The following ZDHHC23 variants were observed in gnomAD, a reference collection of about 807,000 sequenced individuals.
ZDHHC23 encodes the protein zDHHC palmitoyltransferase 23, also known as palmitoyltransferase ZDHHC23.
In ZDHHC23, 41 loss-of-function variants were observed where a neutral mutation model predicts 40.2. That is an observed-to-expected ratio of 1.02 (90% confidence interval 0.79 to 1.32). The LOEUF (loss-of-function observed/expected upper bound fraction) is 1.32, where lower values mean the gene tolerates loss of function less well. Ranked by LOEUF, ZDHHC23 falls within the 40% of genes most tolerant of loss-of-function variation. The pLI is 0.00. For synonymous variants in ZDHHC23, 204 were observed against 210.2 expected, an observed-to-expected ratio of 0.97 and a Z score of 0.26; for missense variants, 471 against 541.5, an observed-to-expected ratio of 0.87 and a Z score of 1.29.
chr3:113,978,401 A>AGCACAAAAGACAGAAATG, the ZDHHC23 span: 2 of 1,465,124 alleles, frequency 1.4e-6, no homozygotes, highest in Non-Finnish European at 1.9e-6. Context: ...GCAAATAAAC[A>AGCACAAAAGACAGAAATG]GCACAAAAGA....
chr3:113,966,559 GC>G (rs769610346), downstream of ZDHHC23, among the ~76,000 whole-genome samples: 10 of 152,324 alleles, frequency 6.6e-5, no homozygotes, highest in Non-Finnish European at 1.3e-4. Flanking sequence ...CTAGAGGAGA[GC>G]ACATCTTGAG....
rs1288954552 is a variant in ZDHHC23 at position 113,962,079 on chromosome 3, GATA to G, written c.*3454_*3456del. The G allele has an allele frequency of 2.0e-5, 3 of 152,610 alleles. No individual in the cohort carries two copies. Among genetic ancestry groups the G allele is most frequent in the African/African-American group, 4.8e-5 (2 of 41,428 alleles). The allele number at this position is 152,610 out of a possible 1,614,324, so 9.5% of individuals were successfully genotyped here. The stretch of plus-strand genomic sequence containing the variant: ...GTAGAGGTTGCTTAAGCAAGCAATG[GATA>G]ATAAGAGACTTTTCCTGAGGCACCT... On this transcript the variant is annotated 3_prime_UTR_variant, in exon 5 of 5. Transcript: ENST00000638807.
chr3:113,956,478 T>G lies in ZDHHC23; in HGVS notation c.1012T>G (p.Tyr338Asp). 3 of 1,614,070 alleles carry G rather than the reference T, an allele frequency of 1.9e-6. No homozygotes were observed. Among genetic ancestry groups the G allele is most frequent in the Non-Finnish European group, 2.5e-6 (3 of 1,179,998 alleles). Residue 338 changes from tyrosine to aspartate, a missense_variant, in exon 4 of 5, where the codon TAT becomes GAT. Physicochemically the swap from Tyr to Asp is radical, Grantham distance 160 (BLOSUM62 -3). Transcript: ENST00000638807. ...RDRSVFTALFYCPGVYANYSS... is the reference protein window; with the variant it reads ...RDRSVFTALFDCPGVYANYSS... ...CAGAAGTGTCTTCACAGCTCTTTTC[T>G]ATTGTCCTGGAGTTTATGCAAATTA...
the ZDHHC23 span, among the ~76,000 whole-genome samples, chr3:113,973,021 T>C: frequency 6.6e-6 from 1 of 152,170 alleles, no homozygotes; most frequent in Non-Finnish European, 1.5e-5. Flanking sequence ...ACTCTATGTC[T>C]TTTAATTGGA....
intron 2 of ZDHHC23, 141 bp downstream of exon 2, chr3:113,949,104 G>C: frequency 8.7e-7 from 1 of 1,145,642 alleles, no homozygotes; most frequent in Non-Finnish European, 1.2e-6. Context: ...TGGCTTCTGT[G>C]TCAAGTGTGA....
At position 113,954,151 on chromosome 3, in the gene ZDHHC23, CTAAGCAGCAGCCAGCTGGAG is replaced by C; in HGVS notation, c.615_634del (p.Ser206ProfsTer29). ...CAATCCAGCAAGCGGTGACAGATCT[CTAAGCAGCAGCCAGCTGGAG>C]TGCCTGAGCAGAAAAGGGCAGGAGA... On this transcript the variant is annotated frameshift_variant, in exon 3 of 5. Transcript: ENST00000638807. LOFTEE classifies it high-confidence loss of function. The C allele has an allele frequency of 1.2e-6, 2 of 1,614,206 alleles. No individual in the cohort carries two copies. The highest frequency in any genetic ancestry group is 1.7e-6 in the Non-Finnish European group (2 of 1,180,036).
Position 113,961,048 on chromosome 3 carries a change from C to T in ZDHHC23, c.*2418C>T. 1 of 300,892 alleles carries T rather than the reference C, an allele frequency of 3.3e-6. No individual in the cohort carries two copies. 18.6% of individuals were successfully genotyped at this position (300,892 alleles called of 1,614,324 possible). On this transcript the variant is annotated 3_prime_UTR_variant, in exon 5 of 5. Coordinates refer to ENST00000638807, the MANE Select transcript of ZDHHC23 (RefSeq NM_001320466.2). ...GTTTCATTATAGGCCTTGGTTCTCT[C>T]CAGGGGCCAGATGAGTTTATTGTGG...
the ZDHHC23 span, among the ~76,000 whole-genome samples, chr3:113,977,739 G>T: frequency 2.0e-5 from 3 of 152,202 alleles, no homozygotes; most frequent in African/African-American, 4.8e-5. Flanking sequence ...CTCAGTGGTG[G>T]TAACAAAGGG....
At position 113,948,777 on chromosome 3, in the gene ZDHHC23, A is replaced by T; in HGVS notation, c.-26A>T. The stretch of plus-strand genomic sequence containing the variant: ...CACCTTTACCTTCTGAGGGCTTCTT[A>T]CGCCTCATGGTGACAGGTGCAAATC... On this transcript the variant is annotated 5_prime_UTR_variant, in exon 2 of 5. Coordinates refer to ENST00000638807, the MANE Select transcript of ZDHHC23 (RefSeq NM_001320466.2). 1 of 1,613,780 alleles carries T rather than the reference A, an allele frequency of 6.2e-7. No homozygotes were observed. Among genetic ancestry groups the T allele is most frequent in the Non-Finnish European group, 8.5e-7 (1 of 1,179,898 alleles).
Position 113,950,713 on chromosome 3 carries a change from C to G in ZDHHC23, c.161+1750C>G, listed in dbSNP as rs145154962. ...CTCATCCCAGTGTCAATTCAGAAGT[C>G]TAAGTCCAGAGTCTGGTCTGAATAT... On this transcript the variant is annotated intron_variant, in intron 2 of 4. Transcript: ENST00000638807. Among the ~76,000 whole-genome samples, 346 of 152,282 alleles carry G rather than the reference C, an allele frequency of 2.3e-3. 1 individual carries two copies. Among genetic ancestry groups the G allele is most frequent in the Non-Finnish European group, 3.6e-3 (247 of 68,018 alleles).
chr3:113,955,391 T>TGTGTGTGTGTGTGTGC (rs58421915), intron 3 of ZDHHC23, among the ~76,000 whole-genome samples: 1 of 149,060 alleles, frequency 6.7e-6, no homozygotes, highest in African/African-American at 2.5e-5. Context: ...TGTGTGTGTG[T>TGTGTGTGTGTGTGTGC]GCGTGTGTGT....
intron 3 of ZDHHC23, among the ~76,000 whole-genome samples, chr3:113,955,391 T>TGTGTGTGCGCGC (rs58421915): frequency 1.1e-4 from 16 of 149,060 alleles, no homozygotes; most frequent in African/African-American, 4.0e-4. Flanking sequence ...TGTGTGTGTG[T>TGTGTGTGCGCGC]GCGTGTGTGT....
chr3:113,959,085 C>A lies in ZDHHC23; in HGVS notation c.*455C>A. ...TGCCTGCCCTGGCTACCTCACAGAG[C>A]CGTCATGAGGGTCACGTGAGGGAAG... On this transcript the variant is annotated 3_prime_UTR_variant, in exon 5 of 5. Transcript: ENST00000638807. The A allele has an allele frequency of 1.1e-6, 1 of 943,262 alleles. No individual in the cohort carries two copies. Among genetic ancestry groups the A allele is most frequent in the Non-Finnish European group, 1.3e-6 (1 of 741,190 alleles). The allele number at this position is 943,262 out of a possible 1,614,324, so 58.4% of individuals were successfully genotyped here. A position where few individuals can be genotyped will look rare whatever the true frequency, so the allele number is the denominator to read the frequency against.
At chr3:113,979,064 A>G in the ZDHHC23 span, 1 of 1,515,184 alleles carries the variant, frequency 6.6e-7, no homozygotes, top group African/African-American at 1.4e-5. Flanking sequence ...AATCATTTAA[A>G]CAAACACATC....
At chr3:113,976,717 C>A in the ZDHHC23 span, among the ~76,000 whole-genome samples, 5 of 151,188 alleles carry the variant, frequency 3.3e-5, no homozygotes, top group Admixed American at 1.3e-4. Context: ...CCTGTTTAGT[C>A]TTCACAGCAA....
In ZDHHC23 at chr3:113,960,355, A is replaced by G. The variant is rs1939597688; in HGVS notation, c.*1725A>G. 8.9e-7 allele frequency: 1 copy of G among 1,127,516 alleles called. No individual in the cohort carries two copies. The highest frequency in any genetic ancestry group is 1.1e-6 in the Non-Finnish European group (1 of 919,246). The allele number at this position is 1,127,516 out of a possible 1,614,324, so 69.8% of individuals were successfully genotyped here. ...TGTTAGCAGACTCTGGGGTTTGTAC[A>G]GTGATGCCTTCTCCCTGGCCCAGAG... On this transcript the variant is annotated 3_prime_UTR_variant, in exon 5 of 5. Coordinates refer to ENST00000638807, the MANE Select transcript of ZDHHC23 (RefSeq NM_001320466.2).
intron 2 of ZDHHC23, among the ~76,000 whole-genome samples, chr3:113,949,564 T>TC (rs1347387312): frequency 4.6e-5 from 7 of 152,192 alleles, no homozygotes; most frequent in African/African-American, 1.7e-4. Flanking sequence ...GAAATTACTA[T>TC]CCAAAAAGAG....
intron 2 of ZDHHC23, among the ~76,000 whole-genome samples, chr3:113,952,770 G>A (rs1938800057): frequency 6.6e-6 from 1 of 152,218 alleles, no homozygotes; most frequent in Admixed American, 6.5e-5. Context: ...AGTGTCTGGT[G>A]AGGTCTCCTC....
the ZDHHC23 span, among the ~76,000 whole-genome samples, chr3:113,976,268 A>C: frequency 1.3e-5 from 2 of 152,026 alleles, no homozygotes; most frequent in Non-Finnish European, 2.9e-5. Flanking sequence ...CAGGGTAAAA[A>C]AAAAAACAAA....
Sources: allele counts gnomAD v4.1 joint callset (sites outside exome capture counted in the v4.1 genomes callset), GRCh38; gene constraint gnomAD v4.1.1; transcripts MANE v1.5; gene names NCBI Gene and HGNC (gene_info 2026-07-23, HGNC 2026-07-21).